CEP85L: variants seen among roughly 807,000 people sequenced by gnomAD.
CEP85L encodes centrosomal protein of 85 kDa-like.
Under a neutral mutation model 100.3 loss-of-function variants are expected in CEP85L, and 60 were observed. The observed-to-expected ratio is 0.60, with a 90% CI of 0.49 to 0.74. The LOEUF (loss-of-function observed/expected upper bound fraction) is 0.74. Ranked by LOEUF, CEP85L falls within the 30% of genes least tolerant of loss-of-function variation. The pLI is 0.00. For synonymous variants in CEP85L, 319 were observed against 322.7 expected (o/e 0.99, Z 0.12); for missense variants, 973 against 936.2 (o/e 1.04, Z -0.51).
At chr6:118,563,997 T>C (rs553452967) in intron 3 of CEP85L, among the ~76,000 whole-genome samples, 87 of 152,284 alleles carry the variant, frequency 5.7e-4, no homozygotes, top group Non-Finnish European at 8.8e-4. Flanking sequence ...CCAAATAAAG[T>C]TAATCAAGAA....
At position 118,651,350 on chromosome 6, in the gene CEP85L, C is replaced by G. The variant is rs1331438112; in HGVS notation, c.-81G>C. ...CTGCTTCTTCGGCGGCGGAAACTTG[C>G]GCGGAGCGTGGGCCTCGGCGACACG... On this transcript the variant is annotated 5_prime_UTR_variant, in exon 1 of 13. Transcript: ENST00000368491. The G allele has an allele frequency of 8.7e-6, 12 of 1,385,518 alleles. No individual in the cohort carries two copies. The highest frequency in any genetic ancestry group is 1.1e-5 in the Non-Finnish European group (12 of 1,070,476). The allele number at this position is 1,385,518 out of a possible 1,614,324, so 85.8% of individuals were successfully genotyped here.
At chr6:118,633,095 AATC>A (rs1043852933) in intron 1 of CEP85L, among the ~76,000 whole-genome samples, 2 of 152,200 alleles carry the variant, frequency 1.3e-5, no homozygotes, top group African/African-American at 4.8e-5. Flanking sequence ...TTTTTTCTAC[AATC>A]ATCACTTAAA....
intron 6 of CEP85L, among the ~76,000 whole-genome samples, chr6:118,488,559 A>C (rs1290331891): frequency 9.9e-5 from 15 of 152,098 alleles, no homozygotes. Flanking sequence ...TAAGCGGACA[A>C]ATATACACAT....
chr6:118,574,371 A>C (rs528053488), intron 2 of CEP85L, among the ~76,000 whole-genome samples: 1 of 152,350 alleles, frequency 6.6e-6, no homozygotes, highest in East Asian at 1.9e-4. Flanking sequence ...TTAGGGATAA[A>C]AACCCTTCTC....
intron 1 of CEP85L, among the ~76,000 whole-genome samples, chr6:118,670,879 A>C (rs1423057408): frequency 6.6e-6 from 1 of 152,042 alleles, no homozygotes; most frequent in Admixed American, 6.6e-5. Flanking sequence ...TGTTCTCCTG[A>C]TTAGCACCAT....
intron 1 of CEP85L, among the ~76,000 whole-genome samples, chr6:118,645,300 A>C: frequency 6.6e-6 from 1 of 152,038 alleles, no homozygotes; most frequent in East Asian, 1.9e-4. Context: ...CCACCTCACC[A>C]ATCTTCTTTT....
chr6:118,508,513 A>G (rs1775788873), intron 5 of CEP85L, among the ~76,000 whole-genome samples: 2 of 152,110 alleles, frequency 1.3e-5, no homozygotes, highest in Admixed American at 1.3e-4. Flanking sequence ...CCAATCTACC[A>G]TTAGAACTAT....
chr6:118,561,227 T>C (rs1320519305), intron 3 of CEP85L, among the ~76,000 whole-genome samples: 1 of 152,190 alleles, frequency 6.6e-6, no homozygotes. Flanking sequence ...CAACAGGTGA[T>C]ACACTCACCT....
chr6:118,569,497 A>T (rs1032817566), intron 2 of CEP85L, among the ~76,000 whole-genome samples: 3 of 151,256 alleles, frequency 2.0e-5, no homozygotes, highest in Admixed American at 6.6e-5. Context: ...AAATAAAAAT[A>T]AAAAAATAAA....
intron 1 of CEP85L, among the ~76,000 whole-genome samples, chr6:118,671,867 G>A (rs773526443): frequency 6.6e-6 from 1 of 152,136 alleles, no homozygotes; most frequent in Non-Finnish European, 1.5e-5. Flanking sequence ...GAACACAGAG[G>A]TGGATGTTGC....
chr6:118,554,726 G>A (rs1368276221), intron 3 of CEP85L, among the ~76,000 whole-genome samples: 3 of 152,154 alleles, frequency 2.0e-5, no homozygotes, highest in East Asian at 3.9e-4. Context: ...AATAACTAAT[G>A]AAAGGTTTCA....
At chr6:118,707,661 T>C (rs1449520136) in intron 1 of CEP85L, among the ~76,000 whole-genome samples, 3 of 152,224 alleles carry the variant, frequency 2.0e-5, no homozygotes, top group Non-Finnish European at 4.4e-5. Context: ...TTCTGTAGGA[T>C]ACATAGAAAT....
intron 6 of CEP85L, among the ~76,000 whole-genome samples, chr6:118,490,128 C>T (rs568079997): frequency 1.2e-4 from 19 of 152,214 alleles, no homozygotes; most frequent in African/African-American, 4.6e-4. Flanking sequence ...GCAAATACTA[C>T]ATAATTCCAC....
intron 5 of CEP85L, among the ~76,000 whole-genome samples, chr6:118,505,683 T>C (rs1469859878): frequency 6.6e-6 from 1 of 152,158 alleles, no homozygotes; most frequent in Admixed American, 6.5e-5. Context: ...CATAACATTC[T>C]GGGAAAGGCA....
chr6:118,590,915 C>T (rs1376206668), intron 2 of CEP85L, among the ~76,000 whole-genome samples: 1 of 152,108 alleles, frequency 6.6e-6, no homozygotes, highest in Non-Finnish European at 1.5e-5. Flanking sequence ...AGACAAAGGA[C>T]CCTGGTGTTC....
intron 2 of CEP85L, among the ~76,000 whole-genome samples, chr6:118,605,399 T>C (rs896965269): frequency 1.3e-5 from 2 of 152,178 alleles, no homozygotes; most frequent in African/African-American, 4.8e-5. Context: ...GATCCAAGTG[T>C]GCAAAGAGTC....
At chr6:118,617,214 GTATA>G (rs1315626978) in intron 2 of CEP85L, among the ~76,000 whole-genome samples, 1 of 151,852 alleles carries the variant, frequency 6.6e-6, no homozygotes, top group Admixed American at 6.6e-5. Flanking sequence ...TAATATTGAG[GTATA>G]ATATATGCTT....
At chr6:118,555,435 A>AAG (rs1778802665) in intron 3 of CEP85L, among the ~76,000 whole-genome samples, 1 of 151,682 alleles carries the variant, frequency 6.6e-6, no homozygotes, top group East Asian at 1.9e-4. Context: ...CAAAAAAAAA[A>AAG]AAAAAAAGTG....
chr6:118,647,653 C>T (rs1389073359), intron 1 of CEP85L, among the ~76,000 whole-genome samples: 2 of 152,248 alleles, frequency 1.3e-5, no homozygotes, highest in Admixed American at 1.3e-4. Context: ...TGAGCCACTG[C>T]GCCTGGCTTA....
Sources: gnomAD v4.1 joint callset for allele counts (sites outside exome capture counted in the v4.1 genomes callset) on GRCh38, gnomAD v4.1.1 for gene constraint, MANE v1.5 for transcripts, NCBI Gene and HGNC (gene_info 2026-07-23, HGNC 2026-07-21) for gene names.